Variants in CDKN2B-AS1 observed in about 807,000 individuals in gnomAD.
CDKN2B-AS1 encodes CDKN2B and CDKN2A antisense cis and trans regulatory RNA 1.
intron 1 of CDKN2B-AS1, among the ~76,000 whole-genome samples, chr9:22,025,681 G>C (rs1822204037): frequency 6.6e-6 from 1 of 152,190 alleles, no homozygotes; most frequent in South Asian, 2.1e-4. Context: ...AGCAAAGATG[G>C]TGGCCTTCCT....
At chr9:22,013,827 T>G (rs1236059873) in intron 1 of CDKN2B-AS1, among the ~76,000 whole-genome samples, 1 of 152,206 alleles carries the variant, frequency 6.6e-6, no homozygotes, top group African/African-American at 2.4e-5. Flanking sequence ...TTGCAGAAAT[T>G]GGCTTTATCT....
chr9:22,007,805 A>T (rs1821270795), intron 1 of CDKN2B-AS1, among the ~76,000 whole-genome samples: 1 of 152,174 alleles, frequency 6.6e-6, no homozygotes, highest in Non-Finnish European at 1.5e-5. Flanking sequence ...ATAATTATTA[A>T]TAAAATTTTA....
At chr9:22,022,750 A>G (rs748404662) in intron 1 of CDKN2B-AS1, among the ~76,000 whole-genome samples, 2 of 152,124 alleles carry the variant, frequency 1.3e-5, no homozygotes, top group Admixed American at 1.3e-4. Context: ...GTGTGTTTTT[A>G]TAGTGACTGG....
chr9:22,127,750 A>G (rs896365914), exon 5 of CDKN2B-AS1, among the ~76,000 whole-genome samples: 1 of 152,184 alleles, frequency 6.6e-6, no homozygotes, highest in African/African-American at 2.4e-5. Flanking sequence ...TTGTGGATTC[A>G]TTGATGAGAT....
intron 4 of CDKN2B-AS1, among the ~76,000 whole-genome samples, chr9:22,068,050 A>G (rs1028916278): frequency 6.6e-6 from 1 of 152,186 alleles, no homozygotes; most frequent in African/African-American, 2.4e-5. Flanking sequence ...CCGAAGCTTC[A>G]TAGTTCAATA....
At chr9:22,035,858 T>C (rs1024998469) in intron 1 of CDKN2B-AS1, among the ~76,000 whole-genome samples, 3 of 152,162 alleles carry the variant, frequency 2.0e-5, no homozygotes, top group Admixed American at 6.6e-5. Context: ...TCCTGAGTCA[T>C]TGTAGACATG....
At chr9:22,097,704 A>G (rs149204368) in intron 4 of CDKN2B-AS1, among the ~76,000 whole-genome samples, 31 of 152,308 alleles carry the variant, frequency 2.0e-4, no homozygotes, top group African/African-American at 7.0e-4. Context: ...GCTGGAAAAC[A>G]TGCCATTCAT....
chr9:22,069,188 T>C (rs898032759), intron 4 of CDKN2B-AS1, among the ~76,000 whole-genome samples: 2 of 152,162 alleles, frequency 1.3e-5, no homozygotes, highest in African/African-American at 4.8e-5. Context: ...GCCCCTGTCT[T>C]GCAGCTCCCT....
chr9:22,013,536 C>T (rs2131204511), intron 1 of CDKN2B-AS1, among the ~76,000 whole-genome samples: 1 of 152,084 alleles, frequency 6.6e-6, no homozygotes, highest in African/African-American at 2.4e-5. Flanking sequence ...ACTGCTGCCT[C>T]GAATTCCTGG....
chr9:22,057,668 T>C (rs1823629788), intron 4 of CDKN2B-AS1, among the ~76,000 whole-genome samples: 1 of 151,888 alleles, frequency 6.6e-6, no homozygotes, highest in Non-Finnish European at 1.5e-5. Context: ...ATTAGCCAGG[T>C]GTGGTGGTGG....
intron 4 of CDKN2B-AS1, among the ~76,000 whole-genome samples, chr9:22,104,029 A>G (rs1478417754): frequency 2.0e-5 from 3 of 152,220 alleles, no homozygotes; most frequent in South Asian, 2.1e-4. Context: ...CATCTTTCTT[A>G]TTAGTCAATA....
At chr9:22,112,595 A>C (rs1825829634) in intron 4 of CDKN2B-AS1, among the ~76,000 whole-genome samples, 1 of 152,188 alleles carries the variant, frequency 6.6e-6, no homozygotes, top group African/African-American at 2.4e-5. Context: ...AGGAAGTGCA[A>C]TTTATAGAAG....
At chr9:22,067,937 T>C (rs906087523) in intron 4 of CDKN2B-AS1, among the ~76,000 whole-genome samples, 1 of 152,176 alleles carries the variant, frequency 6.6e-6, no homozygotes, top group Non-Finnish European at 1.5e-5. Context: ...TCTCCCTATT[T>C]CAGGAATGCA....
rs1820916693 is a variant in CDKN2B-AS1, at chr9:22,001,481, T to G, written n.29+6320T>G. ...CAAACTCTTTTGTTTTACATTTAGT[T>G]CACACCACAAATTAGTAAGTCAGGC... On this transcript the variant is annotated intron_variant and non_coding_transcript_variant, in intron 1 of 4. Transcript: ENST00000650946. The surrounding 1 kb of genome is among the most constrained non-coding windows in gnomAD (Gnocchi z 4.2). Among the ~76,000 whole-genome samples, 1 of 152,154 alleles carries G rather than the reference T, an allele frequency of 6.6e-6. No homozygotes were observed. The highest frequency in any genetic ancestry group is 6.5e-5 in the Admixed American group (1 of 15,276).
chr9:22,026,898 A>C (rs570615290), intron 1 of CDKN2B-AS1, among the ~76,000 whole-genome samples: 1 of 152,268 alleles, frequency 6.6e-6, no homozygotes, highest in Non-Finnish European at 1.5e-5. Context: ...CTGTGAGAGC[A>C]GTGTGGATTC....
At chr9:22,046,324 G>C (rs1823108138) in intron 1 of CDKN2B-AS1, 1 of 152,088 alleles carries the variant, frequency 6.6e-6, no homozygotes, top group African/African-American at 2.4e-5. Context: ...CAGATATTGA[G>C]AAACCACAGA....
intron 4 of CDKN2B-AS1, among the ~76,000 whole-genome samples, chr9:22,082,426 C>T (rs911483589): frequency 3.3e-5 from 5 of 152,134 alleles, no homozygotes; most frequent in African/African-American, 7.2e-5. Flanking sequence ...GATATAGAGG[C>T]CCAGTGACAT....
At chr9:22,078,455 T>C (rs1262539956) in intron 4 of CDKN2B-AS1, among the ~76,000 whole-genome samples, 1 of 152,200 alleles carries the variant, frequency 6.6e-6, no homozygotes, top group Non-Finnish European at 1.5e-5. Context: ...GTCTATACTA[T>C]TTGAGGCAGT....
At chr9:22,086,333 A>C (rs1824866920) in intron 4 of CDKN2B-AS1, among the ~76,000 whole-genome samples, 1 of 152,220 alleles carries the variant, frequency 6.6e-6, no homozygotes, top group African/African-American at 2.4e-5. Context: ...ATGCTTAAAA[A>C]GTAGCATAAT....
Sources: gnomAD v4.1 joint callset for allele counts (sites outside exome capture counted in the v4.1 genomes callset) on GRCh38, gnomAD v4.1.1 for gene constraint, Gnocchi (gnomAD v3.1) non-coding constraint, MANE v1.5 for transcripts, NCBI Gene and HGNC (gene_info 2026-07-23, HGNC 2026-07-21) for gene names.